The following WWC2 variants were observed in gnomAD, a reference collection of about 807,000 sequenced individuals.
The protein encoded by WWC2 is protein WWC2.
Under a neutral mutation model 138.5 loss-of-function variants are expected in WWC2, and 101 were observed. The observed-to-expected ratio is 0.73, with a 90% CI of 0.62 to 0.86. WWC2 has a LOEUF of 0.86. WWC2 is among the 40% of genes least tolerant of loss of function. The pLI, the probability that WWC2 is intolerant of heterozygous loss-of-function variation, is 0.00. For synonymous variants in WWC2, 558 were observed against 538.4 expected, an observed-to-expected ratio of 1.04 and a Z score of -0.50; for missense variants, 1,420 against 1,419.4, an observed-to-expected ratio of 1.00 and a Z score of -0.01.
At chr4:183,280,054 G>A (rs964597201) in intron 16 of WWC2, among the ~76,000 whole-genome samples, 13 of 151,928 alleles carry the variant, frequency 8.6e-5, no homozygotes, top group Admixed American at 2.0e-4. Flanking sequence ...TGGATGTTAC[G>A]TATGAGAATA....
At chr4:183,283,043 T>TG (rs1738133318) in intron 18 of WWC2, 137 bp downstream of exon 18, 4 of 833,400 alleles carry the variant, frequency 4.8e-6, no homozygotes, top group Non-Finnish European at 7.1e-6. Context: ...AAGGCATATG[T>TG]GGGAATAGGC....
chr4:183,246,520 G>T lies in WWC2; in HGVS notation c.732+975G>T, dbSNP rs184464816. ...GAAGAATATAAAATAATATAGAAAA[G>T]ACAAAATAATAATAGCATGTAATTG... On this transcript the variant is annotated intron_variant, in intron 6 of 22. Coordinates refer to ENST00000403733, the MANE Select transcript of WWC2 (RefSeq NM_024949.6). Among the ~76,000 whole-genome samples, 20 of 152,222 alleles carry T rather than the reference G, an allele frequency of 1.3e-4. 1 individual carries two copies. In the East Asian group the frequency reaches 3.5e-3, roughly 26 times the overall value.
At chr4:183,176,503 A>G (rs1275393057) in intron 1 of WWC2, among the ~76,000 whole-genome samples, 1 of 152,066 alleles carries the variant, frequency 6.6e-6, no homozygotes, top group Non-Finnish European at 1.5e-5. Flanking sequence ...GCTCACTGCA[A>G]CCGCCACCTC....
At position 183,311,642 on chromosome 4, in the gene WWC2, C is replaced by T. The variant is rs192459548; in HGVS notation, c.3385-699C>T. 5.0e-3 allele frequency among the ~76,000 whole-genome samples: 730 copies of T among 146,976 alleles called. 5 individuals are homozygous for T. Among genetic ancestry groups the T allele is most frequent in the African/African-American group, 0.018 (699 of 39,646 alleles). On this transcript the variant is annotated intron_variant, in intron 21 of 22. Transcript: ENST00000403733. Reference sequence around the variant, plus strand: ...TCGCCCAGGCTGGTGTTCAGTGGCGCGATCTCGGCTCACTGCAAGCTCCAC... The same window carrying T: ...TCGCCCAGGCTGGTGTTCAGTGGCGTGATCTCGGCTCACTGCAAGCTCCAC...
chr4:183,250,549 T>C (rs552672843), intron 8 of WWC2, among the ~76,000 whole-genome samples: 61 of 152,294 alleles, frequency 4.0e-4, no homozygotes, highest in Non-Finnish European at 7.9e-4. Context: ...TGCTATCTTT[T>C]ACTTACTTTG....
chr4:183,302,249 G>A (rs527944643), intron 21 of WWC2, among the ~76,000 whole-genome samples: 21 of 152,276 alleles, frequency 1.4e-4, no homozygotes, highest in African/African-American at 4.8e-4. Context: ...TCTTTGTCGA[G>A]CCTTTTAAGC....
chr4:183,193,441 C>T (rs1735044614), intron 1 of WWC2, among the ~76,000 whole-genome samples, 158 bp from the exon 2 acceptor site: 1 of 151,404 alleles, frequency 6.6e-6, no homozygotes, highest in Admixed American at 6.6e-5. Flanking sequence ...ACGACTTGTC[C>T]TACTTTTTTG....
Position 183,271,187 on chromosome 4 carries a change from A to G in WWC2, c.2508A>G (p.Glu836=), listed in dbSNP as rs138428334. 4.3e-5 allele frequency: 69 copies of G among 1,613,422 alleles called. No individual in the cohort carries two copies. The African/African-American group carries it at 7.3e-4, about 17-fold the overall frequency. The change falls in exon 16 of 23, where the codon GAA becomes GAG. Residue 836 remains glutamate (E), a synonymous_variant. Coordinates refer to ENST00000403733, the MANE Select transcript of WWC2 (RefSeq NM_024949.6). ...SKQMPCKKNE[E]NEDSVFQPNQ... ...AAATGCCTTGCAAAAAGAATGAAGA[A>G]AATGAGGACTCTGTATTTCAACCAA...
chr4:183,289,848 TGTGGCAGCAGGGGATGGGC>T (rs1194624730), intron 21 of WWC2, among the ~76,000 whole-genome samples: 1 of 146,560 alleles, frequency 6.8e-6, no homozygotes, highest in Non-Finnish European at 1.5e-5. Context: ...GGAAGGTGGG[TGTGGCAGCAGGGGATGGGC>T]GTGGCCAGTA....
intron 21 of WWC2, among the ~76,000 whole-genome samples, chr4:183,301,510 C>T (rs1466477796): frequency 6.6e-6 from 1 of 152,068 alleles, no homozygotes; most frequent in Non-Finnish European, 1.5e-5. Flanking sequence ...AAACTTATTG[C>T]AGTAGATGAT....
At chr4:183,118,182 G>A (rs1029534180) in intron 1 of WWC2, among the ~76,000 whole-genome samples, 3 of 152,274 alleles carry the variant, frequency 2.0e-5, no homozygotes, top group Non-Finnish European at 2.9e-5. Flanking sequence ...CGATTGCCAC[G>A]TTATAGTTTG....
At chr4:183,149,399 G>A (rs78411528) in intron 1 of WWC2, among the ~76,000 whole-genome samples, 1 of 152,148 alleles carries the variant, frequency 6.6e-6, no homozygotes, top group Non-Finnish European at 1.5e-5. Context: ...GAGGTGGGCA[G>A]ATCACCTGAG....
chr4:183,199,732 T>G (rs1735250388), intron 2 of WWC2, among the ~76,000 whole-genome samples: 1 of 152,220 alleles, frequency 6.6e-6, no homozygotes, highest in Non-Finnish European at 1.5e-5. Context: ...TCTTCCATGA[T>G]AAGCTCTTGT....
At chr4:183,213,525 T>C (rs1735667750) in intron 4 of WWC2, among the ~76,000 whole-genome samples, 1 of 152,170 alleles carries the variant, frequency 6.6e-6, no homozygotes, top group South Asian at 2.1e-4. Flanking sequence ...CCTCAGTTGT[T>C]TTACTGAATT....
chr4:183,198,929 G>A (rs1248717530), intron 2 of WWC2, among the ~76,000 whole-genome samples: 1 of 152,012 alleles, frequency 6.6e-6, no homozygotes, highest in Non-Finnish European at 1.5e-5. Flanking sequence ...CCTTCTTGGG[G>A]TATTGGTAAA....
chr4:183,144,793 A>C (rs1328936948), intron 1 of WWC2, among the ~76,000 whole-genome samples: 1 of 152,232 alleles, frequency 6.6e-6, no homozygotes, highest in East Asian at 1.9e-4. Flanking sequence ...TGTTCATTCT[A>C]CATACACGTT....
intron 4 of WWC2, among the ~76,000 whole-genome samples, chr4:183,239,309 G>C (rs560134126): frequency 6.6e-6 from 1 of 151,506 alleles, no homozygotes; most frequent in South Asian, 2.1e-4. Context: ...GCAAGACTCT[G>C]TCTCAAAAAA....
intron 1 of WWC2, among the ~76,000 whole-genome samples, chr4:183,156,405 G>A (rs949809600): frequency 4.2e-5 from 6 of 143,130 alleles, no homozygotes; most frequent in African/African-American, 1.3e-4. Flanking sequence ...GCACAATCTC[G>A]ACTGCAGCCT....
chr4:183,132,164 T>C (rs542538313), intron 1 of WWC2, among the ~76,000 whole-genome samples: 1 of 152,326 alleles, frequency 6.6e-6, no homozygotes, highest in East Asian at 1.9e-4. Flanking sequence ...AAGACAGTGA[T>C]ATCATTTACA....
Sources: allele counts gnomAD v4.1 joint callset (sites outside exome capture counted in the v4.1 genomes callset), GRCh38; gene constraint gnomAD v4.1.1; transcripts MANE v1.5; gene names NCBI Gene and HGNC (gene_info 2026-07-23, HGNC 2026-07-21).